Variants in NKG7 observed in about 807,000 individuals in gnomAD.
NKG7 encodes natural killer cell granule protein 7.
Under a neutral mutation model 14.7 loss-of-function variants are expected in NKG7, and 8 were observed. That is an observed-to-expected ratio of 0.54 (90% CI 0.32 to 0.98). The LOEUF is 0.98. Ranked by LOEUF, NKG7 falls within the 50% of genes least tolerant of loss-of-function variation. The pLI, the probability that NKG7 is intolerant of heterozygous loss-of-function variation, is 0.04. For synonymous variants in NKG7, 95 were observed against 90.7 expected, an observed-to-expected ratio of 1.05 and a Z score of -0.27; for missense variants, 215 against 211.1, an observed-to-expected ratio of 1.02 and a Z score of -0.11.
In NKG7 at chr19:51,371,653, CAA is replaced by C. The variant is rs1986658867; in HGVS notation, c.*122_*123del. ...AAATTTTGTTGAATGAATGAAGAAA[CAA>C]GAGGAGGGGCTGGGGAAGGGCTGGA... On this transcript the variant is annotated 3_prime_UTR_variant, in exon 4 of 4. Coordinates refer to ENST00000221978, the MANE Select transcript of NKG7 (RefSeq NM_005601.4). The surrounding 1 kb of genome is among the most constrained non-coding windows in gnomAD (Gnocchi z 4.2). 3.7e-6 allele frequency: 4 copies of C among 1,073,396 alleles called. No homozygotes were observed. Among genetic ancestry groups the C allele is most frequent in the Admixed American group, 5.2e-5 (2 of 38,398 alleles). The allele number at this position is 1,073,396 out of a possible 1,614,324, so 66.5% of individuals were successfully genotyped here.
Position 51,372,028 on chromosome 19 carries a change from C to CCACCGCTCGCTGGTGTA in NKG7, c.334_350dup (p.Trp117CysfsTer39). On this transcript the variant is annotated frameshift_variant, in exon 3 of 4. Transcript: ENST00000221978. LOFTEE classifies it high-confidence loss of function. The surrounding 1 kb of genome is among the most constrained non-coding windows in gnomAD (Gnocchi z 4.8). The stretch of plus-strand genomic sequence containing the variant: ...GGATCTGGGGGTGTGGAGGCTGGTC[C>CCACCGCTCGCTGGTGTA]CACCGCTCGCTGGTGTACACCGCCA... The CCACCGCTCGCTGGTGTA allele has an allele frequency of 6.2e-7, 1 of 1,613,630 alleles. No homozygotes were observed.
chr19:51,372,094 A>T lies in NKG7; in HGVS notation c.305-20T>A, dbSNP rs1986678101. 7 of 1,600,220 alleles carry T rather than the reference A, an allele frequency of 4.4e-6. No individual in the cohort carries two copies. Among genetic ancestry groups the T allele is most frequent in the Non-Finnish European group, 6.0e-6 (7 of 1,171,182 alleles). On this transcript the variant is annotated intron_variant, in intron 2 of 3. Coordinates refer to ENST00000221978, the MANE Select transcript of NKG7 (RefSeq NM_005601.4). The surrounding 1 kb of genome is among the most constrained non-coding windows in gnomAD (Gnocchi z 4.8). ...AGATGGCTGGGGACAAGGACAAGAGAGATGGCTCAGCTCCTCGGCAGGAAT... is the reference window on the plus strand; with the variant it reads ...AGATGGCTGGGGACAAGGACAAGAGTGATGGCTCAGCTCCTCGGCAGGAAT...
rs148741912 is a variant in NKG7, at chr19:51,372,198, G to A, written c.267C>T (p.His89=). The stretch of plus-strand genomic sequence containing the variant: ...CTGCGGTGGTTGAGACAAGCGGGCC[G>A]TGGCCTGGGGGGAACAGTGAGGGGA... ...SCFPSLFPPG[H]GPLVSTTAAF... is the part of the protein sequence containing the mutation. The change falls in exon 2 of 4, where the codon CAC becomes CAT. Residue 89 remains histidine, a synonymous_variant. Coordinates refer to ENST00000221978, the MANE Select transcript of NKG7 (RefSeq NM_005601.4). This position sits in a 1 kb window ranked among gnomAD's most constrained non-coding sequence, Gnocchi z 4.8. 3.5e-5 allele frequency: 57 copies of A among 1,612,300 alleles called. 1 individual carries two copies. In the African/African-American group the frequency reaches 3.9e-4, roughly 11 times the overall value.
chr19:51,372,180 G>T lies in NKG7; in HGVS notation c.285C>A (p.Thr95=). The T allele has an allele frequency of 6.2e-7, 1 of 1,609,702 alleles. No individual in the cohort carries two copies. The change falls in exon 2 of 4, where the codon ACC becomes ACA. Residue 95 remains threonine, a synonymous_variant. Transcript: ENST00000221978. This position sits in a 1 kb window ranked among gnomAD's most constrained non-coding sequence, Gnocchi z 4.8. ...CCTTACCTGCAGCAAAGGCTGCGGT[G>T]GTTGAGACAAGCGGGCCGTGGCCTG... ...FPPGHGPLVS[T]TAAFAAAISM... is the part of the protein sequence containing the mutation.
rs560680752 is a variant in NKG7, at chr19:51,371,778, C to T, written c.497G>A (p.Ter166=). ...CATCTTGCCGCTCTTGCCTTCTGCT[C>T]ACAAGGTTTCATAGCCAGGACGGGG... is the stretch of plus-strand genomic sequence containing the variant. ...GGPRPGYETL[*] Residue 166 remains the stop codon, a stop_retained_variant, in exon 4 of 4, where the codon TGA becomes TAA. Transcript: ENST00000221978. This position sits in a 1 kb window ranked among gnomAD's most constrained non-coding sequence, Gnocchi z 4.2. The T allele has an allele frequency of 4.3e-6, 7 of 1,612,252 alleles. No individual in the cohort carries two copies. In the East Asian group the frequency reaches 6.7e-5, roughly 15 times the overall value.
chr19:51,372,622 C>T lies in NKG7; in HGVS notation c.-87G>A. ...ATCTCAGAGAGAAGGAGGCTGTGCA[C>T]CCAGACTCCTGGGTCCTTAGAGCCC... On this transcript the variant is annotated 5_prime_UTR_variant, in exon 1 of 4. In the 5' UTR this introduces an upstream ATG that the reference lacks. Coordinates refer to ENST00000221978, the MANE Select transcript of NKG7 (RefSeq NM_005601.4). The surrounding 1 kb of genome is among the most constrained non-coding windows in gnomAD (Gnocchi z 4.8). 6.8e-7 allele frequency: 1 copy of T among 1,481,038 alleles called. No individual in the cohort carries two copies. Among genetic ancestry groups the T allele is most frequent in the Non-Finnish European group, 9.0e-7 (1 of 1,105,180 alleles). 91.7% of individuals were successfully genotyped at this position (1,481,038 alleles called of 1,614,324 possible). A position where few individuals can be genotyped will look rare whatever the true frequency, so the allele number is the denominator to read the frequency against.
In NKG7 at chr19:51,372,158, T is replaced by C. The variant is rs1179738403; in HGVS notation, c.304+3A>G. Reference sequence around the variant, plus strand: ...ATGCCCCAGTCCAGTCCAGAGTCCTTACCTGCAGCAAAGGCTGCGGTGGTT... The same window carrying C: ...ATGCCCCAGTCCAGTCCAGAGTCCTCACCTGCAGCAAAGGCTGCGGTGGTT... On this transcript the variant is annotated splice_donor_region_variant and intron_variant, in intron 2 of 3. Coordinates refer to ENST00000221978, the MANE Select transcript of NKG7 (RefSeq NM_005601.4). This position sits in a 1 kb window ranked among gnomAD's most constrained non-coding sequence, Gnocchi z 4.8. 1 of 1,602,760 alleles carries C rather than the reference T, an allele frequency of 6.2e-7. No individual in the cohort carries two copies. The highest frequency in any genetic ancestry group is 1.1e-5 in the South Asian group (1 of 88,878).
Position 51,372,425 on chromosome 19 carries a change from T to C in NKG7, c.111A>G (p.Ser37=). ...CTGTTGGCCAGAGGCCCGAGTGAGC[T>C]GAGTGGGTGGGACCCACAGCCTCAA... The part of the protein sequence containing the change: ...FWFEAVGPTH[S]AHSGLWPTGH... Residue 37 remains serine (S), a synonymous_variant, in exon 1 of 4, where the codon TCA becomes TCG. Transcript: ENST00000221978. This position sits in a 1 kb window ranked among gnomAD's most constrained non-coding sequence, Gnocchi z 4.8. The C allele has an allele frequency of 6.2e-7, 1 of 1,614,190 alleles. No individual in the cohort carries two copies. Among genetic ancestry groups the C allele is most frequent in the Non-Finnish European group, 8.5e-7 (1 of 1,180,028 alleles).
In NKG7 at chr19:51,371,885, G is replaced by C; in HGVS notation, c.440-50C>G. 6.2e-7 allele frequency: 1 copy of C among 1,604,540 alleles called. No homozygotes were observed. Among genetic ancestry groups the C allele is most frequent in the Non-Finnish European group, 8.5e-7 (1 of 1,173,748 alleles). ...CACTTGCCCCTGCCCTCTGTCCTCA[G>C]GGACCCCAACTGGACCCTCCCAAAG... is the stretch of plus-strand genomic sequence containing the variant. On this transcript the variant is annotated intron_variant, in intron 3 of 3. Coordinates refer to ENST00000221978, the MANE Select transcript of NKG7 (RefSeq NM_005601.4). The surrounding 1 kb of genome is among the most constrained non-coding windows in gnomAD (Gnocchi z 4.2).
chr19:51,371,793 C>G lies in NKG7; in HGVS notation c.482G>C (p.Gly161Ala). Residue 161 changes from glycine to alanine, a missense_variant, in exon 4 of 4, where the codon GGC becomes GCC. Transcript: ENST00000221978. This position sits in a 1 kb window ranked among gnomAD's most constrained non-coding sequence, Gnocchi z 4.2. ...LGAHCGGPRP[G>A]YETL ...GCCTTCTGCTCACAAGGTTTCATAG[C>G]CAGGACGGGGACCGCCACAGTGAGC... is the stretch of plus-strand genomic sequence containing the variant. The G allele has an allele frequency of 6.2e-7, 1 of 1,613,032 alleles. No homozygotes were observed. The highest frequency in any genetic ancestry group is 8.5e-7 in the Non-Finnish European group (1 of 1,179,340).
chr19:51,371,968 C>G lies in NKG7; in HGVS notation c.411G>C (p.Trp137Cys), dbSNP rs1384665235. ...TFFSWSFYLGWVSAILLLCTG... is the reference protein window; with the variant it reads ...TFFSWSFYLGCVSAILLLCTG... ...TACAGAGCAAGAGGATAGCTGAGAC[C>G]CAGCCCAGGTAGAAGGACCAGGAGA... Residue 137 changes from tryptophan to cysteine, a missense_variant, in exon 3 of 4, where the codon TGG becomes TGC. Trp to Cys is a radical substitution (Grantham distance 215). Transcript: ENST00000221978. The surrounding 1 kb of genome is among the most constrained non-coding windows in gnomAD (Gnocchi z 4.2). 6.2e-7 allele frequency: 1 copy of G among 1,612,766 alleles called. No individual in the cohort carries two copies. The highest frequency in any genetic ancestry group is 1.7e-5 in the Admixed American group (1 of 59,914).
At position 51,372,234 on chromosome 19, in the gene NKG7, G is replaced by A. The variant is rs764713960; in HGVS notation, c.231C>T (p.Val77=). Residue 77 remains valine, a synonymous_variant, in exon 2 of 4, where the codon GTC becomes GTT. Coordinates refer to ENST00000221978, the MANE Select transcript of NKG7 (RefSeq NM_005601.4). The surrounding 1 kb of genome is among the most constrained non-coding windows in gnomAD (Gnocchi z 4.8). ...LWALVSVSFL[V]LSCFPSLFPP... Reference sequence around the variant, plus strand: ...GGAACAGTGAGGGGAAGCAGGACAGGACCAGGAAGCTCACGGACACCAGGG... The same window carrying A: ...GGAACAGTGAGGGGAAGCAGGACAGAACCAGGAAGCTCACGGACACCAGGG... 6.2e-7 allele frequency: 1 copy of A among 1,613,768 alleles called. No individual in the cohort carries two copies. The highest frequency in any genetic ancestry group is 1.7e-5 in the Admixed American group (1 of 59,976).
Position 51,371,648 on chromosome 19 carries a change from A to T in NKG7, c.*129T>A. 9.6e-7 allele frequency: 1 copy of T among 1,038,160 alleles called. No homozygotes were observed. The highest frequency in any genetic ancestry group is 1.6e-5 in the African/African-American group (1 of 61,796). 64.3% of individuals were successfully genotyped at this position (1,038,160 alleles called of 1,614,324 possible). On this transcript the variant is annotated 3_prime_UTR_variant, in exon 4 of 4. Coordinates refer to ENST00000221978, the MANE Select transcript of NKG7 (RefSeq NM_005601.4). This position sits in a 1 kb window ranked among gnomAD's most constrained non-coding sequence, Gnocchi z 4.2. ...CAGCCAAATTTTGTTGAATGAATGA[A>T]GAAACAAGAGGAGGGGCTGGGGAAG...
In NKG7 at chr19:51,372,538, G is replaced by A; in HGVS notation, c.-3C>T. The A allele has an allele frequency of 6.2e-7, 1 of 1,613,636 alleles. No individual in the cohort carries two copies. Among genetic ancestry groups the A allele is most frequent in the African/African-American group, 1.3e-5 (1 of 75,044 alleles). On this transcript the variant is annotated 5_prime_UTR_variant, in exon 1 of 4. Transcript: ENST00000221978. The surrounding 1 kb of genome is among the most constrained non-coding windows in gnomAD (Gnocchi z 4.8). ...GCCAGGGACCGGCAGAGCTCCATGG[G>A]GATAAGCTCAGGGCTTCTGGGTCCT...
In NKG7 at chr19:51,372,041, G is replaced by A. The variant is rs765391059; in HGVS notation, c.338C>T (p.Thr113Ile). The change falls in exon 3 of 4, where the codon ACC (threonine) becomes ATC (isoleucine). Residue 113 changes from threonine to isoleucine, a missense_variant. Transcript: ENST00000221978. The surrounding 1 kb of genome is among the most constrained non-coding windows in gnomAD (Gnocchi z 4.8). Reference protein sequence around the residue: ...ISMVVAMAVYTSERWDQPPHP... With the variant: ...ISMVVAMAVYISERWDQPPHP... ...TGGAGGCTGGTCCCACCGCTCGCTG[G>A]TGTACACCGCCATGGCCACCACCAT... 6.2e-7 allele frequency: 1 copy of A among 1,613,442 alleles called. No individual in the cohort carries two copies. The highest frequency in any genetic ancestry group is 2.2e-5 in the East Asian group (1 of 44,872).
chr19:51,372,195 G>T lies in NKG7; in HGVS notation c.270C>A (p.Gly90=), dbSNP rs1986682893. Reference sequence around the variant, plus strand: ...AGGCTGCGGTGGTTGAGACAAGCGGGCCGTGGCCTGGGGGGAACAGTGAGG... The same window carrying T: ...AGGCTGCGGTGGTTGAGACAAGCGGTCCGTGGCCTGGGGGGAACAGTGAGG... The part of the protein sequence containing the change: ...CFPSLFPPGH[G]PLVSTTAAFA... The change falls in exon 2 of 4, where the codon GGC becomes GGA. Residue 90 remains glycine (G), a synonymous_variant. Transcript: ENST00000221978. The surrounding 1 kb of genome is among the most constrained non-coding windows in gnomAD (Gnocchi z 4.8). 1.2e-6 allele frequency: 2 copies of T among 1,612,266 alleles called. No homozygotes were observed. Among genetic ancestry groups the T allele is most frequent in the Admixed American group, 3.3e-5 (2 of 59,872 alleles).
chr19:51,372,624 C>G lies in NKG7; in HGVS notation c.-89G>C. ...CTCAGAGAGAAGGAGGCTGTGCACC[C>G]AGACTCCTGGGTCCTTAGAGCCCAA... is the stretch of plus-strand genomic sequence containing the variant. On this transcript the variant is annotated 5_prime_UTR_variant, in exon 1 of 4. Transcript: ENST00000221978. This position sits in a 1 kb window ranked among gnomAD's most constrained non-coding sequence, Gnocchi z 4.8. The G allele has an allele frequency of 2.0e-6, 3 of 1,475,040 alleles. No individual in the cohort carries two copies. In the South Asian group the frequency reaches 3.9e-5, roughly 19 times the overall value. 91.4% of individuals were successfully genotyped at this position (1,475,040 alleles called of 1,614,324 possible). A position where few individuals can be genotyped will look rare whatever the true frequency, so the allele number is the denominator to read the frequency against.
rs746484201 is a variant in NKG7 at position 51,372,305 on chromosome 19, A to G, written c.160T>C (p.Tyr54His). 6.2e-7 allele frequency: 1 copy of G among 1,612,212 alleles called. No homozygotes were observed. Residue 54 changes from tyrosine to histidine, a missense_variant and splice_region_variant, in exon 2 of 4, where the codon TAC becomes CAC. Tyr to His is a moderately conservative substitution (Grantham distance 83). Coordinates refer to ENST00000221978, the MANE Select transcript of NKG7 (RefSeq NM_005601.4). This position sits in a 1 kb window ranked among gnomAD's most constrained non-coding sequence, Gnocchi z 4.8. ...CTGAAGGTCTGCGTCACGTGGATGT[A>G]GCCTGATCGGGAGAAGACCACTGAG... The part of the protein sequence containing the change: ...PTGHGDIISG[Y>H]IHVTQTFSIM...
Position 51,372,015 on chromosome 19 carries a change from G to A in NKG7, c.364C>T (p.His122Tyr). The change falls in exon 3 of 4, where the codon CAC becomes TAC. Residue 122 changes from histidine (H) to tyrosine (Y), a missense_variant. Coordinates refer to ENST00000221978, the MANE Select transcript of NKG7 (RefSeq NM_005601.4). This position sits in a 1 kb window ranked among gnomAD's most constrained non-coding sequence, Gnocchi z 4.8. The stretch of plus-strand genomic sequence containing the variant: ...GAGAAGAAGGTCTGGATCTGGGGGT[G>A]TGGAGGCTGGTCCCACCGCTCGCTG... ...YTSERWDQPP[H>Y]PQIQTFFSWS... The A allele has an allele frequency of 6.2e-7, 1 of 1,613,764 alleles. No homozygotes were observed. The highest frequency in any genetic ancestry group is 8.5e-7 in the Non-Finnish European group (1 of 1,179,968).
Sources: gnomAD v4.1 joint callset for allele counts on GRCh38, gnomAD v4.1.1 for gene constraint, Gnocchi (gnomAD v3.1) non-coding constraint, MANE v1.5 for transcripts, NCBI Gene and HGNC (gene_info 2026-07-23, HGNC 2026-07-21) for gene names.